The following GALNT17 variants were observed in gnomAD, a reference collection of about 807,000 sequenced individuals.
GALNT17 encodes the protein UDP-GalNAc:polypeptide N-acetylgalactosaminyltransferase-like 3.
In GALNT17, 29 loss-of-function variants were observed where a neutral mutation model predicts 63.7. The ratio of observed to expected loss-of-function variants is 0.46; its 90% CI spans 0.34 to 0.62. The LOEUF (loss-of-function observed/expected upper bound fraction) is 0.62. GALNT17 is among the 20% of genes least tolerant of loss of function. The pLI is 0.01. For missense variants in GALNT17, 603 were observed against 799.6 expected, an observed-to-expected ratio of 0.75 and a Z score of 2.97; for synonymous variants, 305 against 318.3, an observed-to-expected ratio of 0.96 and a Z score of 0.45.
Position 71,394,220 on chromosome 7 carries a change from G to A in GALNT17, c.589+5819G>A, listed in dbSNP as rs55877368. On this transcript the variant is annotated intron_variant, in intron 3 of 10. Coordinates refer to ENST00000333538, the MANE Select transcript of GALNT17 (RefSeq NM_022479.3). ...GGGAGCTGGTGAGGTCACATGATGA[G>A]TGGAGAGAGAGAGGGGAGGAGGTGC... 2.0e-5 allele frequency among the ~76,000 whole-genome samples: 3 copies of A among 152,112 alleles called. No homozygotes were observed. The East Asian group carries it at 5.8e-4, about 29-fold the overall frequency.
At chr7:71,325,560 G>A (rs978742602) in intron 1 of GALNT17, among the ~76,000 whole-genome samples, 11 of 152,140 alleles carry the variant, frequency 7.2e-5, no homozygotes, top group African/African-American at 2.2e-4. Context: ...ATAAGTTTCC[G>A]CTGTAACCCT....
rs1177941526 is a variant in GALNT17, at chr7:71,665,392, G to A, written c.1081-19G>A. The A allele has an allele frequency of 6.3e-7, 1 of 1,583,722 alleles. No homozygotes were observed. The highest frequency in any genetic ancestry group is 8.6e-7 in the Non-Finnish European group (1 of 1,168,656). The stretch of plus-strand genomic sequence containing the variant: ...CTGGGAATTTCTTTTTCAGGCTGAT[G>A]AAATCTTTGTACCCCTAGGTATGGC... On this transcript the variant is annotated intron_variant, in intron 6 of 10. Transcript: ENST00000333538.
At chr7:71,442,951 C>A (rs529247688) in intron 5 of GALNT17, among the ~76,000 whole-genome samples, 1 of 152,250 alleles carries the variant, frequency 6.6e-6, no homozygotes, top group African/African-American at 2.4e-5. Flanking sequence ...CTCTTAAGAA[C>A]TTCAACTTAA....
chr7:71,309,916 T>C (rs1240826496), intron 1 of GALNT17, among the ~76,000 whole-genome samples: 2 of 152,140 alleles, frequency 1.3e-5, no homozygotes, highest in Non-Finnish European at 1.5e-5. Flanking sequence ...TCCCACGTGT[T>C]GTGGGAGGGA....
At chr7:71,638,113 G>GTAA (rs1327829989) in intron 6 of GALNT17, among the ~76,000 whole-genome samples, 3 of 152,204 alleles carry the variant, frequency 2.0e-5, no homozygotes, top group South Asian at 2.1e-4. Flanking sequence ...TCCTGACATT[G>GTAA]CTGTGGCATT....
intron 5 of GALNT17, among the ~76,000 whole-genome samples, chr7:71,427,908 A>G (rs776689640): frequency 6.6e-6 from 1 of 152,088 alleles, no homozygotes. Context: ...TGCTTATGAG[A>G]TAATCTAATG....
intron 5 of GALNT17, among the ~76,000 whole-genome samples, chr7:71,454,242 G>C (rs1787316145): frequency 6.6e-6 from 1 of 152,038 alleles, no homozygotes; most frequent in Non-Finnish European, 1.5e-5. Context: ...TCCACCAACA[G>C]GCCCCAGTGT....
intron 9 of GALNT17, among the ~76,000 whole-genome samples, chr7:71,682,821 G>A (rs1584135504): frequency 2.6e-5 from 4 of 152,138 alleles, no homozygotes; most frequent in East Asian, 1.9e-4. Context: ...TCTCACCTCC[G>A]CCTCCCAAAG....
intron 5 of GALNT17, among the ~76,000 whole-genome samples, chr7:71,473,503 G>T (rs1787674829): frequency 6.6e-6 from 1 of 152,162 alleles, no homozygotes; most frequent in South Asian, 2.1e-4. Flanking sequence ...ACCAGAGTCA[G>T]GTTGCAATTT....
chr7:71,347,856 T>C (rs1457962040), intron 2 of GALNT17, among the ~76,000 whole-genome samples: 3 of 152,174 alleles, frequency 2.0e-5, no homozygotes, highest in Non-Finnish European at 4.4e-5. Flanking sequence ...AGCTACCTCC[T>C]GCTTCTGCTT....
chr7:71,206,128 T>G (rs1585880845), intron 1 of GALNT17, among the ~76,000 whole-genome samples: 1 of 148,170 alleles, frequency 6.7e-6, no homozygotes. Flanking sequence ...AGGTGTGTGT[T>G]TGTGTGTGTA....
At chr7:71,528,372 A>G (rs1788659305) in intron 5 of GALNT17, among the ~76,000 whole-genome samples, 1 of 152,162 alleles carries the variant, frequency 6.6e-6, no homozygotes, top group African/African-American at 2.4e-5. Flanking sequence ...AAAATTGAGA[A>G]GACTGCATTT....
chr7:71,588,711 CT>C (rs1420391588), intron 6 of GALNT17, among the ~76,000 whole-genome samples: 1 of 152,304 alleles, frequency 6.6e-6, no homozygotes, highest in East Asian at 1.9e-4. Context: ...CCCAGAGAAG[CT>C]GCCAATCTGG....
chr7:71,388,477 C>G (rs1479373710), intron 3 of GALNT17, 76 bp downstream of exon 3: 3 of 1,531,604 alleles, frequency 2.0e-6, no homozygotes, highest in African/African-American at 1.4e-5. Context: ...AACGCGAGCC[C>G]GAGCATCTGT....
At chr7:71,372,593 A>T (rs938073827) in intron 2 of GALNT17, among the ~76,000 whole-genome samples, 9 of 152,194 alleles carry the variant, frequency 5.9e-5, no homozygotes, top group African/African-American at 2.2e-4. Flanking sequence ...CTGGGACTAC[A>T]GGCATGTGCC....
At position 71,654,255 on chromosome 7, in the gene GALNT17, G is replaced by A. The variant is rs186790485; in HGVS notation, c.1081-11156G>A. Reference sequence around the variant, plus strand: ...TGGTCTCCATCTCCTGACGTGATCCGCCCGCCTCCAGCCTTGTGATCGGCA... The same window carrying A: ...TGGTCTCCATCTCCTGACGTGATCCACCCGCCTCCAGCCTTGTGATCGGCA... On this transcript the variant is annotated intron_variant, in intron 6 of 10. Coordinates refer to ENST00000333538, the MANE Select transcript of GALNT17 (RefSeq NM_022479.3). Among the ~76,000 whole-genome samples, 16 of 152,262 alleles carry A rather than the reference G, an allele frequency of 1.1e-4. No individual in the cohort carries two copies. The East Asian group carries it at 2.9e-3, about 28-fold the overall frequency.
intron 5 of GALNT17, among the ~76,000 whole-genome samples, chr7:71,501,437 A>C (rs1247503207): frequency 6.6e-6 from 1 of 151,624 alleles, no homozygotes; most frequent in Non-Finnish European, 1.5e-5. Flanking sequence ...GCTAACTTTA[A>C]AAAAAAGATG....
At chr7:71,518,707 T>C (rs915130180) in intron 5 of GALNT17, among the ~76,000 whole-genome samples, 1 of 152,180 alleles carries the variant, frequency 6.6e-6, no homozygotes, top group Non-Finnish European at 1.5e-5. Flanking sequence ...GGAGAAAGGA[T>C]GGATGTTCTG....
intron 9 of GALNT17, among the ~76,000 whole-genome samples, chr7:71,693,263 T>TACACACACACACACACAC (rs761584365): frequency 9.2e-6 from 1 of 108,882 alleles, no homozygotes; most frequent in Admixed American, 1.0e-4. Flanking sequence ...CACACACACA[T>TACACACACACACACACAC]ACACACACAC....
Sources: gnomAD v4.1 joint callset for allele counts (sites outside exome capture counted in the v4.1 genomes callset) on GRCh38, gnomAD v4.1.1 for gene constraint, MANE v1.5 for transcripts, NCBI Gene and HGNC (gene_info 2026-07-23, HGNC 2026-07-21) for gene names.